EFCAB12: variants seen among roughly 807,000 people sequenced by gnomAD.
The protein encoded by EFCAB12 is EF-hand calcium binding domain 12, also known as EF-hand calcium-binding domain-containing protein 12.
Under a neutral mutation model 53.6 loss-of-function variants are expected in EFCAB12, and 43 were observed. That is an observed-to-expected ratio of 0.80 (90% confidence interval 0.63 to 1.03). The LOEUF is 1.03. EFCAB12 is among the 50% of genes least tolerant of loss of function. The pLI, the probability that EFCAB12 is intolerant of heterozygous loss-of-function variation, is 0.00. For synonymous variants in EFCAB12, 269 were observed against 289.2 expected (o/e 0.93, Z 0.71); for missense variants, 646 against 730.6 (o/e 0.88, Z 1.34).
At chr3:129,423,102 C>CT (rs939229266) in intron 1 of EFCAB12, among the ~76,000 whole-genome samples, 2 of 152,122 alleles carry the variant, frequency 1.3e-5, no homozygotes, top group African/African-American at 4.8e-5. Context: ...ACATTGAGGC[C>CT]TAGAGAGGCC....
intron 3 of EFCAB12, among the ~76,000 whole-genome samples, chr3:129,417,676 C>G (rs761805614): frequency 5.3e-5 from 8 of 152,174 alleles, no homozygotes; most frequent in South Asian, 2.1e-4. Flanking sequence ...CTACTGAGCA[C>G]TCAAAATATG....
chr3:129,419,808 G>A (rs1004800529), intron 2 of EFCAB12, among the ~76,000 whole-genome samples: 10 of 152,212 alleles, frequency 6.6e-5, no homozygotes, highest in Admixed American at 6.5e-4. Flanking sequence ...GACAGCAAGA[G>A]AGGCCAGGCT....
intron 4 of EFCAB12, chr3:129,412,424 GGATGGATAGATAGATAGATAGATA>G (rs2072054355): frequency 8.8e-6 from 1 of 114,250 alleles, no homozygotes; most frequent in African/African-American, 3.2e-5. Flanking sequence ...ATGTGTAGAT[GGATGGATAGATAGATAGATAGATA>G]GATAGATAGA....
intron 5 of EFCAB12, among the ~76,000 whole-genome samples, chr3:129,410,811 C>G (rs1407850230): frequency 6.6e-6 from 1 of 152,146 alleles, no homozygotes; most frequent in Non-Finnish European, 1.5e-5. Context: ...CTTCACTTGC[C>G]ATGTATTTCT....
At chr3:129,401,920 GC>G in intron 8 of EFCAB12, 69 bp from the exon 9 acceptor site, 1 of 1,548,198 alleles carries the variant, frequency 6.5e-7, no homozygotes, top group Non-Finnish European at 8.7e-7. Context: ...TCATCGCAGA[GC>G]CCACCAACTG....
chr3:129,404,482 G>T (rs2071921531), intron 6 of EFCAB12, 79 bp from the exon 7 acceptor site: 1 of 1,311,404 alleles, frequency 7.6e-7, no homozygotes, highest in Non-Finnish European at 9.9e-7. Context: ...GTCAGAGGAG[G>T]TGTTTTTTTT....
At chr3:129,424,149 C>G (rs2072222309) in intron 1 of EFCAB12, among the ~76,000 whole-genome samples, 1 of 152,220 alleles carries the variant, frequency 6.6e-6, no homozygotes, top group African/African-American at 2.4e-5. Flanking sequence ...CTTAGTTCCC[C>G]TGTGTCCTCG....
Position 129,408,698 on chromosome 3 carries a change from C to G in EFCAB12, c.1196G>C (p.Trp399Ser). The stretch of plus-strand genomic sequence containing the variant: ...GAGGCCATAGGACTTACAGAGCTTC[C>G]AGCATTGCAGGTAGACCAGAAAGTT... The part of the protein sequence containing the change: ...RHNFLVYLQC[W>S]KLCKSYGLPL... Residue 399 changes from tryptophan to serine, a missense_variant, in exon 6 of 9, where the codon TGG becomes TCG. Transcript: ENST00000505956. 1 of 1,589,174 alleles carries G rather than the reference C, an allele frequency of 6.3e-7. No individual in the cohort carries two copies. The highest frequency in any genetic ancestry group is 8.6e-7 in the Non-Finnish European group (1 of 1,166,678).
intron 1 of EFCAB12, 90 bp downstream of exon 1, chr3:129,428,350 T>C: frequency 1.3e-6 from 2 of 1,524,070 alleles, no homozygotes; most frequent in Non-Finnish European, 1.8e-6. Context: ...GTCGGCACAA[T>C]ATCTGTGGCT....
chr3:129,410,361 G>A (rs1433752744), intron 5 of EFCAB12, among the ~76,000 whole-genome samples: 10 of 149,362 alleles, frequency 6.7e-5, no homozygotes, highest in African/African-American at 2.5e-4. Context: ...CTTTCCCCTC[G>A]GCTGGAGTCC....
intron 1 of EFCAB12, among the ~76,000 whole-genome samples, chr3:129,426,492 GT>G (rs2072274543): frequency 1.3e-5 from 2 of 150,032 alleles, no homozygotes; most frequent in African/African-American, 4.9e-5. Context: ...AGCCTCCCGA[GT>G]ACCTGGGACT....
intron 2 of EFCAB12, among the ~76,000 whole-genome samples, chr3:129,418,914 A>G (rs575028950): frequency 1.1e-4 from 16 of 152,280 alleles, no homozygotes; most frequent in South Asian, 2.1e-4. Flanking sequence ...GTGAAAGGGC[A>G]TATTTTGTAA....
At chr3:129,417,900 T>C (rs1228997222) in intron 3 of EFCAB12, among the ~76,000 whole-genome samples, 1 of 152,054 alleles carries the variant, frequency 6.6e-6, no homozygotes, top group African/African-American at 2.4e-5. Flanking sequence ...CCAGTGACAG[T>C]TGGAGACACT....
chr3:129,413,747 T>TC (rs58175464), intron 4 of EFCAB12: 9,729 of 152,192 alleles, frequency 0.064, 946 homozygotes, highest in East Asian at 0.44. Flanking sequence ...GAGCCACCTT[T>TC]CCTGTTTCTT....
chr3:129,426,358 TG>T lies in EFCAB12; in HGVS notation c.49+2081del, dbSNP rs370851545. Among the ~76,000 whole-genome samples the T allele has an allele frequency of 3.1e-4, 42 of 134,734 alleles. 1 individual carries two copies. The highest frequency in any genetic ancestry group is 9.2e-4 in the African/African-American group (30 of 32,766). 88.4% of individuals were successfully genotyped at this position (134,734 alleles called of 152,430 possible). ...TTGGATGGCTTACAGGGTTTTTTTTTGTTTTTTTTTTTTTTTTTTTTTTTGA... is the reference window on the plus strand; with the variant it reads ...TTGGATGGCTTACAGGGTTTTTTTTTTTTTTTTTTTTTTTTTTTTTTTTGA... On this transcript the variant is annotated intron_variant, in intron 1 of 8. Transcript: ENST00000505956.
chr3:129,421,672 T>G lies in EFCAB12; in HGVS notation c.181A>C (p.Met61Leu), dbSNP rs1477915998. 5.6e-6 allele frequency: 9 copies of G among 1,613,784 alleles called. No homozygotes were observed. The highest frequency in any genetic ancestry group is 1.3e-5 in the African/African-American group (1 of 74,914). ...RLPQTRRRII[M>L]VPRKEDQTPL... ...GTCTGATCCTCCTTGCGAGGCACCA[T>G]GATGATTCGCCGGCGGGTCTGAGGC... The change falls in exon 2 of 9, where the codon ATG (methionine) becomes CTG (leucine). Residue 61 changes from methionine (M) to leucine (L), a missense_variant. By Grantham distance (15) the Met-to-Leu change is conservative. Coordinates refer to ENST00000505956, the MANE Select transcript of EFCAB12 (RefSeq NM_207307.3).
chr3:129,411,733 G>C, intron 4 of EFCAB12: 1 of 162,208 alleles, frequency 6.2e-6, no homozygotes, highest in South Asian at 1.8e-4. Flanking sequence ...AGGAGATCGA[G>C]ACCATCCTGG....
intron 1 of EFCAB12, among the ~76,000 whole-genome samples, chr3:129,427,284 C>T (rs918576429): frequency 6.6e-6 from 1 of 152,160 alleles, no homozygotes; most frequent in African/African-American, 2.4e-5. Flanking sequence ...GATACTGTGC[C>T]CAGCTACTGA....
chr3:129,401,946 A>G, intron 8 of EFCAB12, 95 bp from the exon 9 acceptor site: 1 of 1,489,966 alleles, frequency 6.7e-7, no homozygotes. Flanking sequence ...CAAAGTGGAG[A>G]TTTAGCACTG....
Sources: allele counts gnomAD v4.1 joint callset (sites outside exome capture counted in the v4.1 genomes callset), GRCh38; gene constraint gnomAD v4.1.1; transcripts MANE v1.5; gene names NCBI Gene and HGNC (gene_info 2026-07-23, HGNC 2026-07-21).